AFF3: variants seen among roughly 807,000 people sequenced by gnomAD.
AFF3 encodes ALF transcription elongation factor 3.
In AFF3, 32 loss-of-function variants were observed where a neutral mutation model predicts 129.7. The observed-to-expected ratio is 0.25, with a 90% CI of 0.19 to 0.33. AFF3 has a LOEUF of 0.33. Ranked by LOEUF, AFF3 falls within the 10% of genes least tolerant of loss-of-function variation. AFF3 has a pLI of 1.00. For synonymous variants in AFF3, 644 were observed against 635.4 expected, an observed-to-expected ratio of 1.01 and a Z score of -0.20; for missense variants, 1,373 against 1,592.0, an observed-to-expected ratio of 0.86 and a Z score of 2.34.
At position 99,550,461 on chromosome 2, in the gene AFF3, A is replaced by G; in HGVS notation, c.*1013T>C. On this transcript the variant is annotated 3_prime_UTR_variant, in exon 25 of 25. Coordinates refer to ENST00000672756, the MANE Select transcript of AFF3 (RefSeq NM_001386135.1). ...AAGCGAAGGATTCAGGCTCCTACTG[A>G]AGGGACAATCTAGGTAATGGCCTCA... is the stretch of plus-strand genomic sequence containing the variant. 4.3e-6 allele frequency: 1 copy of G among 231,056 alleles called. No individual in the cohort carries two copies. Among genetic ancestry groups the G allele is most frequent in the Non-Finnish European group, 8.6e-6 (1 of 116,650 alleles). The allele number at this position is 231,056 out of a possible 1,614,324, so 14.3% of individuals were successfully genotyped here.
At chr2:99,878,481 T>C (rs751560965) in intron 7 of AFF3, among the ~76,000 whole-genome samples, 1 of 152,208 alleles carries the variant, frequency 6.6e-6, no homozygotes, top group Non-Finnish European at 1.5e-5. Flanking sequence ...CAAAGTCTCA[T>C]GATTTCTCCC....
rs765266965 is a variant in AFF3, at chr2:100,008,852, G to A, written c.134C>T (p.Thr45Met). 8 of 1,613,994 alleles carry A rather than the reference G, an allele frequency of 5.0e-6. No individual in the cohort carries two copies. The highest frequency in any genetic ancestry group is 2.2e-5 in the South Asian group (2 of 91,016). ...GAAGAGAGAGTAACTAGAATTAAAC[G>A]TGCCATCATCCTGTTGAGTTTCTTG... is the stretch of plus-strand genomic sequence containing the variant. ...RNQETQQDDG[T>M]FNSSYSLFSE... The change falls in exon 5 of 25, where the codon ACG (threonine) becomes ATG (methionine). Residue 45 changes from threonine to methionine, a missense_variant. By Grantham distance (81) the Thr-to-Met change is moderately conservative. This residue lies in a region of AFF3 where 255 missense variants were observed against 256.0 expected (regional missense o/e 1.00). Transcript: ENST00000672756.
chr2:100,117,774 C>G (rs779540755), intron 2 of AFF3, among the ~76,000 whole-genome samples: 4 of 152,176 alleles, frequency 2.6e-5, no homozygotes, highest in Non-Finnish European at 5.9e-5. Context: ...CCAATTCTGC[C>G]AAGTACTTGG....
At chr2:100,017,342 T>C (rs1414899217) in intron 4 of AFF3, among the ~76,000 whole-genome samples, 1 of 152,140 alleles carries the variant, frequency 6.6e-6, no homozygotes, top group African/African-American at 2.4e-5. Context: ...CTCAAAAATA[T>C]CGGTCCCCTT....
In AFF3 at chr2:100,051,532, T is replaced by C. The variant is rs1055425048; in HGVS notation, c.54-42600A>G. 2.6e-5 allele frequency among the ~76,000 whole-genome samples: 4 copies of C among 152,216 alleles called. No homozygotes were observed. The South Asian group carries it at 6.2e-4, about 24-fold the overall frequency. On this transcript the variant is annotated intron_variant, in intron 4 of 24. Coordinates refer to ENST00000672756, the MANE Select transcript of AFF3 (RefSeq NM_001386135.1). ...TTAGGAGAAACAAGAGAAGCTGGTA[T>C]TGAACCTGATTAGACAGGAGCATCT...
chr2:99,554,652 T>C, intron 23 of AFF3, 31 bp downstream of exon 23: 1 of 1,614,142 alleles, frequency 6.2e-7, no homozygotes. Flanking sequence ...TTGTCTGGCT[T>C]ACGGCATTGA....
chr2:99,829,637 C>T (rs575114105), intron 8 of AFF3, among the ~76,000 whole-genome samples: 47 of 152,306 alleles, frequency 3.1e-4, no homozygotes, highest in African/African-American at 1.1e-3. Context: ...GCAACAGACG[C>T]TGGCAAGGCT....
At chr2:99,575,296 G>C (rs1485454106) in intron 18 of AFF3, among the ~76,000 whole-genome samples, 1 of 151,886 alleles carries the variant, frequency 6.6e-6, no homozygotes, top group African/African-American at 2.4e-5. Context: ...TTTCACTCTT[G>C]TTGCCCAGAT....
At chr2:99,928,034 G>A (rs1429046709) in intron 7 of AFF3, among the ~76,000 whole-genome samples, 3 of 152,042 alleles carry the variant, frequency 2.0e-5, no homozygotes, top group African/African-American at 2.4e-5. Flanking sequence ...TCTGCCTGCT[G>A]CCATCCACAT....
chr2:100,109,745 A>G (rs1691451274), intron 2 of AFF3: 1 of 152,196 alleles, frequency 6.6e-6, no homozygotes, highest in African/African-American at 2.4e-5. Flanking sequence ...AGTCCTCCCA[A>G]AAGCACATGA....
intron 13 of AFF3, among the ~76,000 whole-genome samples, chr2:99,604,365 T>C (rs913095844): frequency 1.3e-5 from 2 of 152,180 alleles, no homozygotes; most frequent in South Asian, 2.1e-4. Flanking sequence ...ACCAAACTAA[T>C]GCAGGAAGAG....
chr2:100,014,783 C>CTTTTTTTTTTTTTTTTTTTTTTT (rs60456923), intron 4 of AFF3, among the ~76,000 whole-genome samples: 5 of 120,402 alleles, frequency 4.2e-5, no homozygotes, highest in African/African-American at 1.7e-4. Context: ...ACCTTGCTTC[C>CTTTTTTTTTTTTTTTTTTTTTTT]TTTTTTTTTT....
intron 7 of AFF3, among the ~76,000 whole-genome samples, chr2:99,974,636 G>C (rs1269982177): frequency 2.0e-5 from 3 of 152,174 alleles, no homozygotes; most frequent in African/African-American, 7.2e-5. Context: ...TCTGACCAAT[G>C]GAAAATGGAA....
chr2:99,851,033 T>C (rs767788239), intron 7 of AFF3, among the ~76,000 whole-genome samples: 4 of 152,204 alleles, frequency 2.6e-5, no homozygotes, highest in Non-Finnish European at 5.9e-5. Context: ...AAAAACATAA[T>C]GAGAAGAACT....
At position 99,837,029 on chromosome 2, in the gene AFF3, T is replaced by C. The variant is rs918616170; in HGVS notation, c.921+448A>G. Among the ~76,000 whole-genome samples the C allele has an allele frequency of 3.3e-5, 5 of 152,258 alleles. No individual in the cohort carries two copies. In the East Asian group the frequency reaches 5.8e-4, roughly 18 times the overall value. On this transcript the variant is annotated intron_variant, in intron 8 of 24. Transcript: ENST00000672756. Reference sequence around the variant, plus strand: ...ACAGGGAAAATAACATGTGAAACAATAGAGAAATAACAGTTCCAGATCCTG... The same window carrying C: ...ACAGGGAAAATAACATGTGAAACAACAGAGAAATAACAGTTCCAGATCCTG...
chr2:99,710,476 C>A (rs1190646344), intron 11 of AFF3, among the ~76,000 whole-genome samples: 1 of 152,034 alleles, frequency 6.6e-6, no homozygotes, highest in Non-Finnish European at 1.5e-5. Context: ...AAGTTGGTCT[C>A]GAACTCCTGA....
At chr2:100,061,636 C>T (rs1378264780) in intron 4 of AFF3, among the ~76,000 whole-genome samples, 1 of 152,162 alleles carries the variant, frequency 6.6e-6, no homozygotes, top group Non-Finnish European at 1.5e-5. Flanking sequence ...AGTAAGTTTC[C>T]AAGCAATGAC....
chr2:100,049,287 G>C (rs1035989923), intron 4 of AFF3, among the ~76,000 whole-genome samples: 1 of 152,116 alleles, frequency 6.6e-6, no homozygotes, highest in Non-Finnish European at 1.5e-5. Context: ...TGTCTTGATG[G>C]GATATTCTCG....
chr2:99,759,709 T>A (rs1349328706), intron 8 of AFF3, among the ~76,000 whole-genome samples: 1 of 152,272 alleles, frequency 6.6e-6, no homozygotes, highest in Non-Finnish European at 1.5e-5. Context: ...TTAATACATT[T>A]ATAATGTAAT....
Sources: gnomAD v4.1 joint callset for allele counts (sites outside exome capture counted in the v4.1 genomes callset) on GRCh38, gnomAD v4.1.1 for gene constraint, gnomAD v4.1.1 regional missense constraint, MANE v1.5 for transcripts, NCBI Gene and HGNC (gene_info 2026-07-23, HGNC 2026-07-21) for gene names.